CNTNAP2: variants seen among roughly 807,000 people sequenced by gnomAD.
The protein encoded by CNTNAP2 is contactin-associated protein-like 2.
A neutral mutation model predicts 155.2 loss-of-function variants in CNTNAP2; 98 were observed. The ratio of observed to expected loss-of-function variants is 0.63; its 90% CI spans 0.54 to 0.75. The LOEUF is 0.75. CNTNAP2 is among the 30% of genes least tolerant of loss of function. The probability of loss-of-function intolerance (pLI) is 0.00; values close to 1 mark genes in which losing one functional copy is unlikely to be tolerated. For missense variants in CNTNAP2, 1,727 were observed against 1,688.1 expected (o/e 1.02, Z -0.40); for synonymous variants, 651 against 631.2 (o/e 1.03, Z -0.47).
chr7:148,367,475 T>C (rs944794554), intron 21 of CNTNAP2, among the ~76,000 whole-genome samples: 2 of 152,172 alleles, frequency 1.3e-5, no homozygotes, highest in African/African-American at 4.8e-5. Flanking sequence ...ACTTTTGATT[T>C]TTTTTTAATG....
At chr7:147,091,014 A>T (rs1031225439) in intron 4 of CNTNAP2, among the ~76,000 whole-genome samples, 3 of 152,082 alleles carry the variant, frequency 2.0e-5, no homozygotes, top group Admixed American at 2.0e-4. Flanking sequence ...AGTCAATCAG[A>T]ATAAGAGATG....
At chr7:146,690,756 G>T (rs571916258) in intron 1 of CNTNAP2, among the ~76,000 whole-genome samples, 1 of 151,932 alleles carries the variant, frequency 6.6e-6, no homozygotes, top group African/African-American at 2.4e-5. Flanking sequence ...GATAATTTTT[G>T]AAAGAAAAAA....
In CNTNAP2 at chr7:147,048,630, C is replaced by T. The variant is rs73467045; in HGVS notation, c.550+4576C>T. Among the ~76,000 whole-genome samples the T allele has an allele frequency of 6.3e-3, 964 of 152,250 alleles. 9 individuals are homozygous for T. The highest frequency in any genetic ancestry group is 0.022 in the African/African-American group (910 of 41,556). On this transcript the variant is annotated intron_variant, in intron 4 of 23. Transcript: ENST00000361727. Reference sequence around the variant, plus strand: ...TGTAGATGTTGTCAATATGCTCTAGCCACTAACCATATGTGGCTACTAGCA... The same window carrying T: ...TGTAGATGTTGTCAATATGCTCTAGTCACTAACCATATGTGGCTACTAGCA...
chr7:148,071,181 C>A (rs1053295149), intron 15 of CNTNAP2, among the ~76,000 whole-genome samples: 1 of 152,258 alleles, frequency 6.6e-6, no homozygotes, highest in Non-Finnish European at 1.5e-5. Flanking sequence ...TGTCACACAT[C>A]ATCAGGAGAA....
chr7:146,773,477 C>A (rs2129185782), intron 1 of CNTNAP2, among the ~76,000 whole-genome samples: 1 of 152,326 alleles, frequency 6.6e-6, no homozygotes, highest in African/African-American at 2.4e-5. Context: ...CTCACCGCAA[C>A]CTCTGCCTGC....
intron 15 of CNTNAP2, among the ~76,000 whole-genome samples, chr7:147,990,747 C>T (rs1404895559): frequency 1.3e-5 from 2 of 152,110 alleles, no homozygotes; most frequent in African/African-American, 2.4e-5. Context: ...TCAAGAATTC[C>T]CTACTCTTCT....
At chr7:146,185,943 T>G (rs1392367234) in intron 1 of CNTNAP2, among the ~76,000 whole-genome samples, 4 of 152,112 alleles carry the variant, frequency 2.6e-5, no homozygotes, top group Non-Finnish European at 5.9e-5. Context: ...TCTTATTCAG[T>G]AATCTTTCCA....
chr7:146,632,551 T>A (rs532893523), intron 1 of CNTNAP2, among the ~76,000 whole-genome samples: 1 of 152,058 alleles, frequency 6.6e-6, no homozygotes, highest in Admixed American at 6.6e-5. Context: ...GAATATCCAA[T>A]GAATATTTTC....
chr7:146,191,524 C>G (rs114375061), intron 1 of CNTNAP2, among the ~76,000 whole-genome samples: 5,034 of 152,148 alleles, frequency 0.033, 279 homozygotes, highest in African/African-American at 0.12. Context: ...GTAAAATTTG[C>G]TAGGCAGGAA....
chr7:146,199,854 G>A (rs1798831772), intron 1 of CNTNAP2, among the ~76,000 whole-genome samples: 2 of 152,088 alleles, frequency 1.3e-5, no homozygotes, highest in South Asian at 4.1e-4. Context: ...TAAAGATCAT[G>A]AGCTGAAATT....
At chr7:147,804,547 T>G (rs566869869) in intron 13 of CNTNAP2, among the ~76,000 whole-genome samples, 61 of 103,680 alleles carry the variant, frequency 5.9e-4, no homozygotes, top group Admixed American at 1.4e-3. Flanking sequence ...TCAGTTTTTG[T>G]TTTTTTGTTT....
chr7:147,661,631 C>T (rs1331395545), intron 13 of CNTNAP2, among the ~76,000 whole-genome samples: 3 of 151,684 alleles, frequency 2.0e-5, no homozygotes, highest in Admixed American at 1.3e-4. Context: ...CGGCTCACTA[C>T]GACCCCTGCC....
chr7:146,131,675 A>G (rs1429390737), intron 1 of CNTNAP2, among the ~76,000 whole-genome samples: 1 of 152,202 alleles, frequency 6.6e-6, no homozygotes, highest in Non-Finnish European at 1.5e-5. Flanking sequence ...AACATACTTC[A>G]AAGACTTAGG....
intron 1 of CNTNAP2, among the ~76,000 whole-genome samples, chr7:146,159,788 A>C (rs1384262335): frequency 6.6e-6 from 1 of 152,178 alleles, no homozygotes; most frequent in Non-Finnish European, 1.5e-5. Context: ...CACAATAATT[A>C]TGGGAGATTT....
Position 148,065,534 on chromosome 7 carries a change from C to T in CNTNAP2, c.2384-52584C>T, listed in dbSNP as rs527814444. ...TGTTGGACTAGTCCTTTTATCATTACATAATGTACCTCTTCGTCTTTTTTA... is the reference window on the plus strand; with the variant it reads ...TGTTGGACTAGTCCTTTTATCATTATATAATGTACCTCTTCGTCTTTTTTA... On this transcript the variant is annotated intron_variant, in intron 15 of 23. Coordinates refer to ENST00000361727, the MANE Select transcript of CNTNAP2 (RefSeq NM_014141.6). Among the ~76,000 whole-genome samples, 7 of 152,252 alleles carry T rather than the reference C, an allele frequency of 4.6e-5. No homozygotes were observed. In the South Asian group the frequency reaches 1.5e-3, roughly 32 times the overall value.
chr7:147,997,344 G>A (rs563921925), intron 15 of CNTNAP2, among the ~76,000 whole-genome samples: 273 of 152,070 alleles, frequency 1.8e-3, no homozygotes, highest in Non-Finnish European at 2.4e-3. Context: ...ACCTGAGGTT[G>A]GGAGTTCAAG....
chr7:146,368,489 C>T (rs1795186146), intron 1 of CNTNAP2, among the ~76,000 whole-genome samples: 1 of 152,076 alleles, frequency 6.6e-6, no homozygotes, highest in South Asian at 2.1e-4. Context: ...CTCTGCCAGT[C>T]ACTATCCCTT....
intron 14 of CNTNAP2, among the ~76,000 whole-genome samples, chr7:147,936,300 A>ATTTT (rs56980866): frequency 3.6e-4 from 53 of 147,912 alleles, no homozygotes; most frequent in South Asian, 1.5e-3. Flanking sequence ...CATTTATTTT[A>ATTTT]TTTTTTTTTT....
chr7:147,522,772 AAAAAAAC>A (rs1270118408), intron 11 of CNTNAP2, among the ~76,000 whole-genome samples: 32 of 150,458 alleles, frequency 2.1e-4, no homozygotes, highest in Non-Finnish European at 4.1e-4. Context: ...GCCCAGCAAA[AAAAAAAC>A]AAAAAAACAA....
Sources: gnomAD v4.1 joint callset for allele counts (sites outside exome capture counted in the v4.1 genomes callset) on GRCh38, gnomAD v4.1.1 for gene constraint, MANE v1.5 for transcripts, NCBI Gene and HGNC (gene_info 2026-07-23, HGNC 2026-07-21) for gene names.